The following TBC1D5 variants were observed in gnomAD, a reference collection of about 807,000 sequenced individuals.
TBC1D5 encodes the protein TBC1 domain family, member 5.
A neutral mutation model predicts 100.3 loss-of-function variants in TBC1D5; 75 were observed. The ratio of observed to expected loss-of-function variants is 0.75; its 90% CI spans 0.62 to 0.91. The LOEUF is 0.91. Ranked by LOEUF, TBC1D5 falls within the 40% of genes least tolerant of loss-of-function variation. The probability of loss-of-function intolerance (pLI) is 0.00; values close to 1 mark genes in which losing one functional copy is unlikely to be tolerated. For synonymous variants in TBC1D5, 323 were observed against 325.6 expected, an observed-to-expected ratio of 0.99 and a Z score of 0.09; for missense variants, 910 against 942.4, an observed-to-expected ratio of 0.97 and a Z score of 0.45.
chr3:17,673,107 T>C (rs1471832367), intron 1 of TBC1D5, among the ~76,000 whole-genome samples: 2 of 152,204 alleles, frequency 1.3e-5, no homozygotes, highest in Non-Finnish European at 2.9e-5. Flanking sequence ...ATATTTCAGT[T>C]AGGTAACCTT....
At chr3:17,658,031 C>T (rs759164354) in intron 1 of TBC1D5, among the ~76,000 whole-genome samples, 88 of 152,288 alleles carry the variant, frequency 5.8e-4, no homozygotes, top group Non-Finnish European at 8.5e-4. Flanking sequence ...CATTGTGTTA[C>T]AACTGCCTAC....
chr3:17,568,947 T>C (rs2153500219), intron 2 of TBC1D5, among the ~76,000 whole-genome samples: 2 of 151,868 alleles, frequency 1.3e-5, no homozygotes, highest in South Asian at 4.1e-4. Flanking sequence ...CTGCCCTGCA[T>C]ACCACATAAG....
chr3:17,577,550 T>C (rs1164013872), intron 2 of TBC1D5, among the ~76,000 whole-genome samples: 1 of 151,900 alleles, frequency 6.6e-6, no homozygotes, highest in Non-Finnish European at 1.5e-5. Context: ...TCATTTGAAA[T>C]TTATACATTT....
At chr3:17,454,875 G>A (rs1197827084) in intron 3 of TBC1D5, among the ~76,000 whole-genome samples, 3 of 151,894 alleles carry the variant, frequency 2.0e-5, no homozygotes, top group Non-Finnish European at 4.4e-5. Flanking sequence ...TTAACTTAAA[G>A]AAGTAAAAGA....
chr3:17,672,690 G>T (rs1056481805), intron 1 of TBC1D5: 2 of 152,166 alleles, frequency 1.3e-5, no homozygotes, highest in Non-Finnish European at 2.9e-5. Flanking sequence ...GCCAGGAATG[G>T]AAACAGTGGA....
At chr3:17,239,418 T>C (rs1404181658) in intron 16 of TBC1D5, among the ~76,000 whole-genome samples, 1 of 152,202 alleles carries the variant, frequency 6.6e-6, no homozygotes, top group Non-Finnish European at 1.5e-5. Context: ...TATGTATATG[T>C]ACACTAAATT....
At chr3:17,576,458 A>G (rs1365311848) in intron 2 of TBC1D5, 1 of 151,912 alleles carries the variant, frequency 6.6e-6, no homozygotes, top group Non-Finnish European at 1.5e-5. Context: ...ACAAGCAACA[A>G]CAGAAAAAAA....
intron 15 of TBC1D5, among the ~76,000 whole-genome samples, chr3:17,277,101 G>T (rs1326714813): frequency 6.6e-6 from 1 of 152,146 alleles, no homozygotes; most frequent in Non-Finnish European, 1.5e-5. Flanking sequence ...ATAGCAGTTG[G>T]TCAACCTCAC....
chr3:17,722,721 C>A (rs1329424359), intron 1 of TBC1D5, among the ~76,000 whole-genome samples: 5 of 152,220 alleles, frequency 3.3e-5, no homozygotes, highest in Non-Finnish European at 7.3e-5. Flanking sequence ...AAAACTAAGT[C>A]TCAGAACAGT....
At chr3:17,625,117 A>C (rs941318165) in intron 1 of TBC1D5, among the ~76,000 whole-genome samples, 3 of 152,104 alleles carry the variant, frequency 2.0e-5, no homozygotes, top group Non-Finnish European at 2.9e-5. Flanking sequence ...AGACAATCCA[A>C]GAGCAAACAT....
chr3:17,182,581 T>A (rs998574510), intron 19 of TBC1D5, among the ~76,000 whole-genome samples: 1 of 152,208 alleles, frequency 6.6e-6, no homozygotes, highest in East Asian at 1.9e-4. Context: ...CCAGTAAATC[T>A]TTCTCCCCAT....
chr3:17,339,904 A>G (rs1178805002), intron 13 of TBC1D5, among the ~76,000 whole-genome samples: 5 of 152,268 alleles, frequency 3.3e-5, no homozygotes, highest in African/African-American at 9.6e-5. Context: ...TAAGAAAAAC[A>G]AAGTTTACAT....
exon 1 of TBC1D5, chr3:17,739,578 A>G (rs1057034178): frequency 2.6e-5 from 4 of 152,276 alleles, no homozygotes; most frequent in Non-Finnish European, 4.4e-5. Flanking sequence ...AGATACTTTT[A>G]CATTTAACAG....
intron 13 of TBC1D5, among the ~76,000 whole-genome samples, chr3:17,328,101 A>G (rs533906928): frequency 1.3e-5 from 2 of 152,020 alleles, no homozygotes; most frequent in East Asian, 3.9e-4. Flanking sequence ...GAGACACTGT[A>G]TCTACAAAAA....
At chr3:17,605,978 C>T (rs1405202701) in intron 2 of TBC1D5, among the ~76,000 whole-genome samples, 1 of 151,636 alleles carries the variant, frequency 6.6e-6, no homozygotes, top group African/African-American at 2.4e-5. Context: ...TAGTTCTAGA[C>T]ACATTTATTT....
At chr3:17,561,842 A>G (rs2096561236) in intron 2 of TBC1D5, among the ~76,000 whole-genome samples, 1 of 152,244 alleles carries the variant, frequency 6.6e-6, no homozygotes, top group African/African-American at 2.4e-5. Context: ...CTCACAAAAC[A>G]TCACGAACAA....
intron 1 of TBC1D5, among the ~76,000 whole-genome samples, chr3:17,655,890 A>G (rs1189378286): frequency 6.6e-6 from 1 of 152,236 alleles, no homozygotes. Flanking sequence ...TCTCACTCTC[A>G]GAAGGAACCA....
chr3:17,262,376 G>T (rs1255091127), intron 15 of TBC1D5, among the ~76,000 whole-genome samples: 1 of 151,806 alleles, frequency 6.6e-6, no homozygotes, highest in African/African-American at 2.4e-5. Context: ...CATATGTGTG[G>T]TCTGTTGTTG....
intron 3 of TBC1D5, among the ~76,000 whole-genome samples, chr3:17,442,526 T>TG (rs977948518): frequency 2.0e-5 from 3 of 152,364 alleles, no homozygotes; most frequent in South Asian, 2.1e-4. Context: ...ACACAGTGTG[T>TG]GGGGTAACCC....
Sources: gnomAD v4.1 joint callset for allele counts (sites outside exome capture counted in the v4.1 genomes callset) on GRCh38, gnomAD v4.1.1 for gene constraint, MANE v1.5 for transcripts, NCBI Gene and HGNC (gene_info 2026-07-23, HGNC 2026-07-21) for gene names.